Variants in FRMD3 observed in about 807,000 individuals in gnomAD.
FRMD3 encodes the protein FERM domain containing 3, also known as FERM domain-containing protein 3.
A neutral mutation model predicts 70.2 loss-of-function variants in FRMD3; 33 were observed. That is an observed-to-expected ratio of 0.47 (90% CI 0.36 to 0.63). The LOEUF (loss-of-function observed/expected upper bound fraction) is 0.63. Ranked by LOEUF, FRMD3 falls within the 20% of genes least tolerant of loss-of-function variation. The pLI is 0.00. For synonymous variants in FRMD3, 279 were observed against 255.9 expected (o/e 1.09, Z -0.86); for missense variants, 632 against 711.4 (o/e 0.89, Z 1.27).
chr9:83,346,255 CAAAAAAAA>C (rs56163115), intron 4 of FRMD3, among the ~76,000 whole-genome samples: 3,189 of 62,222 alleles, frequency 0.051, 67 homozygotes, highest in Non-Finnish European at 0.072. Flanking sequence ...GACGCCATCT[CAAAAAAAA>C]AAAAAAAAAA....
rs190176053 is a variant in FRMD3 at position 83,491,735 on chromosome 9, G to C, written c.147+46350C>G. Among the ~76,000 whole-genome samples, 23 of 152,298 alleles carry C rather than the reference G, an allele frequency of 1.5e-4. No homozygotes were observed. In the East Asian group the frequency reaches 3.7e-3, roughly 24 times the overall value. ...CGGATGCCTCCTGACCTGACCTCTG[G>C]TAGGAAAGGGATTATGTTACACTCA... On this transcript the variant is annotated intron_variant, in intron 1 of 13. Coordinates refer to ENST00000304195, the MANE Select transcript of FRMD3 (RefSeq NM_174938.6).
In FRMD3 at chr9:83,304,780, C is replaced by G. The variant is rs537827783; in HGVS notation, c.926+4756G>C. ...AGTGTGCTTTCAGTGAACCAGCACCCAGAAACAGTGAGCTCTGGGGTTGGC... is the reference window on the plus strand; with the variant it reads ...AGTGTGCTTTCAGTGAACCAGCACCGAGAAACAGTGAGCTCTGGGGTTGGC... On this transcript the variant is annotated intron_variant, in intron 10 of 13. Coordinates refer to ENST00000304195, the MANE Select transcript of FRMD3 (RefSeq NM_174938.6). Among the ~76,000 whole-genome samples, 4 of 152,318 alleles carry G rather than the reference C, an allele frequency of 2.6e-5. No individual in the cohort carries two copies. In the South Asian group the frequency reaches 8.3e-4, roughly 32 times the overall value.
chr9:83,333,862 C>T (rs760675481), intron 6 of FRMD3, among the ~76,000 whole-genome samples: 3 of 152,186 alleles, frequency 2.0e-5, no homozygotes, highest in Non-Finnish European at 4.4e-5. Flanking sequence ...TCAGCTTGTA[C>T]TTTCCTCATC....
In FRMD3 at chr9:83,537,972, C is replaced by G. The variant is rs1048425135; in HGVS notation, c.147+113G>C. 5 of 1,210,488 alleles carry G rather than the reference C, an allele frequency of 4.1e-6. No homozygotes were observed. In the Admixed American group the frequency reaches 1.1e-4, roughly 27 times the overall value. 75.0% of individuals were successfully genotyped at this position (1,210,488 alleles called of 1,614,324 possible). A position where few individuals can be genotyped will look rare whatever the true frequency, so the allele number is the denominator to read the frequency against. ...GAGGAATCGAAATCTGGCTTTCTAG[C>G]AGTCCCCCAATCCCCTCCGGGAGTG... On this transcript the variant is annotated intron_variant, in intron 1 of 13. Transcript: ENST00000304195. This position sits in a 1 kb window ranked among gnomAD's most constrained non-coding sequence, Gnocchi z 4.1.
chr9:83,366,430 A>C (rs1824787791), intron 3 of FRMD3, among the ~76,000 whole-genome samples: 1 of 152,032 alleles, frequency 6.6e-6, no homozygotes, highest in Admixed American at 6.6e-5. Context: ...AAAGTTATCC[A>C]GGCATGGTGG....
At chr9:83,450,347 GTTTTTT>G (rs763340189) in intron 1 of FRMD3, among the ~76,000 whole-genome samples, 11 of 111,580 alleles carry the variant, frequency 9.9e-5, no homozygotes, top group South Asian at 2.9e-4. Context: ...GTCACCCTCA[GTTTTTT>G]TTTTTTTTTT....
At chr9:83,275,375 C>T (rs1833762213) in intron 13 of FRMD3, among the ~76,000 whole-genome samples, 1 of 152,162 alleles carries the variant, frequency 6.6e-6, no homozygotes, top group African/African-American at 2.4e-5. Flanking sequence ...TACAAAATTC[C>T]TGAAGGCCTT....
intron 3 of FRMD3, among the ~76,000 whole-genome samples, chr9:83,358,065 A>G (rs1400708117): frequency 3.3e-5 from 5 of 152,188 alleles, no homozygotes; most frequent in Non-Finnish European, 7.3e-5. Flanking sequence ...TAATGGTTTC[A>G]GGTCTTAGAT....
Position 83,313,071 on chromosome 9 carries a change from G to T in FRMD3, c.684+589C>A, listed in dbSNP as rs139960158. 3.8e-4 allele frequency among the ~76,000 whole-genome samples: 58 copies of T among 152,256 alleles called. No homozygotes were observed. The East Asian group carries it at 0.011, about 29-fold the overall frequency. On this transcript the variant is annotated intron_variant, in intron 7 of 13. Coordinates refer to ENST00000304195, the MANE Select transcript of FRMD3 (RefSeq NM_174938.6). ...AACGTTGCTTCAGTGAAACATTTCTGGAAAATGTATCTATAAGTATCACAC... is the reference window on the plus strand; with the variant it reads ...AACGTTGCTTCAGTGAAACATTTCTTGAAAATGTATCTATAAGTATCACAC...
At chr9:83,308,137 A>G (rs1296201156) in intron 10 of FRMD3, among the ~76,000 whole-genome samples, 2 of 152,172 alleles carry the variant, frequency 1.3e-5, no homozygotes, top group Non-Finnish European at 2.9e-5. Context: ...GGGTTTTCCC[A>G]GGGCTGATGG....
At chr9:83,461,177 A>G (rs1399341182) in intron 1 of FRMD3, among the ~76,000 whole-genome samples, 3 of 152,240 alleles carry the variant, frequency 2.0e-5, no homozygotes, top group African/African-American at 7.2e-5. Flanking sequence ...GGCCCAAAGT[A>G]ATCACAGGGT....
At chr9:83,389,544 C>T in intron 2 of FRMD3, 60 bp downstream of exon 2, 2 of 1,077,840 alleles carry the variant, frequency 1.9e-6, no homozygotes, top group Middle Eastern at 2.1e-4. Context: ...GGAACCCCCA[C>T]AGTGCACCAC....
intron 1 of FRMD3, among the ~76,000 whole-genome samples, chr9:83,407,873 C>CTCT (rs1564062738): frequency 3.3e-5 from 3 of 91,888 alleles, no homozygotes; most frequent in Admixed American, 1.0e-4. Context: ...CTCTCTCTCT[C>CTCT]ATCTTTCTCT....
the FRMD3 span, among the ~76,000 whole-genome samples, chr9:83,582,997 A>G: frequency 1.3e-5 from 2 of 152,174 alleles, no homozygotes; most frequent in Non-Finnish European, 1.5e-5. Flanking sequence ...TGTTTTAAAA[A>G]CTGAACTTAT....
chr9:83,378,711 C>A (rs7859028), intron 2 of FRMD3, among the ~76,000 whole-genome samples: 3,563 of 97,436 alleles, frequency 0.037, 236 homozygotes, highest in African/African-American at 0.13. Context: ...AATATGTATA[C>A]TTTATATTAT....
chr9:83,578,623 A>C, the FRMD3 span, among the ~76,000 whole-genome samples: 1 of 151,926 alleles, frequency 6.6e-6, no homozygotes, highest in Non-Finnish European at 1.5e-5. Context: ...AAAATTCAAC[A>C]CTCTTTCATG....
At chr9:83,299,662 G>A (rs1051813716) in intron 10 of FRMD3, among the ~76,000 whole-genome samples, 1 of 152,218 alleles carries the variant, frequency 6.6e-6, no homozygotes, top group East Asian at 1.9e-4. Context: ...ACTATGCCAC[G>A]AAGAACTCAC....
In FRMD3 at chr9:83,533,510, T is replaced by C. The variant is rs569322265; in HGVS notation, c.147+4575A>G. 2.6e-5 allele frequency among the ~76,000 whole-genome samples: 4 copies of C among 152,264 alleles called. No individual in the cohort carries two copies. In the South Asian group the frequency reaches 8.3e-4, roughly 32 times the overall value. ...CAAATGTCAAATGACTCACTCAAGATCACACAGCTGGTTGGTAACATAACT... is the reference window on the plus strand; with the variant it reads ...CAAATGTCAAATGACTCACTCAAGACCACACAGCTGGTTGGTAACATAACT... On this transcript the variant is annotated intron_variant, in intron 1 of 13. Transcript: ENST00000304195.
intron 13 of FRMD3, among the ~76,000 whole-genome samples, chr9:83,278,672 G>A (rs74451666): frequency 2.6e-5 from 4 of 152,264 alleles, no homozygotes; most frequent in East Asian, 3.9e-4. Context: ...GATGACCCAC[G>A]TGGACTGTCA....
Sources: allele counts gnomAD v4.1 joint callset (sites outside exome capture counted in the v4.1 genomes callset), GRCh38; gene constraint gnomAD v4.1.1; non-coding constraint Gnocchi (gnomAD v3.1); transcripts MANE v1.5; gene names NCBI Gene and HGNC (gene_info 2026-07-23, HGNC 2026-07-21).